Variants in APBA2 observed in about 807,000 individuals in gnomAD.
The protein encoded by APBA2 is amyloid-beta A4 precursor protein-binding family A member 2.
A neutral mutation model predicts 75.0 loss-of-function variants in APBA2; 30 were observed. The observed-to-expected ratio is 0.40, with a 90% confidence interval of 0.30 to 0.54. The LOEUF is 0.54. Among genes scored for constraint, APBA2 ranks in the 20% least tolerant of loss-of-function variants. The pLI, the probability that APBA2 is intolerant of heterozygous loss-of-function variation, is 0.49. For missense variants in APBA2, 801 were observed against 1,016.1 expected, an observed-to-expected ratio of 0.79 and a Z score of 2.88; for synonymous variants, 444 against 409.6, an observed-to-expected ratio of 1.08 and a Z score of -1.01.
intron 2 of APBA2, among the ~76,000 whole-genome samples, chr15:28,951,729 C>T (rs1376412970): frequency 1.3e-5 from 2 of 152,036 alleles, no homozygotes; most frequent in Non-Finnish European, 1.5e-5. Context: ...GGACTACAGG[C>T]GTGTGCCACC....
At chr15:29,094,764 G>T (rs891472139) in intron 8 of APBA2, among the ~76,000 whole-genome samples, 1 of 152,194 alleles carries the variant, frequency 6.6e-6, no homozygotes, top group Admixed American at 6.5e-5. Context: ...TTCTTTATTG[G>T]AAATGAGTTT....
intron 13 of APBA2, among the ~76,000 whole-genome samples, chr15:29,113,387 G>C (rs1036629894): frequency 6.6e-6 from 1 of 152,094 alleles, no homozygotes; most frequent in Non-Finnish European, 1.5e-5. Context: ...ACTCTTCCCT[G>C]TCGATGTAGA....
chr15:28,926,216 A>G (rs1261140900), intron 2 of APBA2, among the ~76,000 whole-genome samples: 2 of 152,178 alleles, frequency 1.3e-5, no homozygotes, highest in Non-Finnish European at 2.9e-5. Flanking sequence ...ACTTTTTAGT[A>G]ACTGTCTTCT....
chr15:28,897,950 A>C (rs1436278725), intron 1 of APBA2, among the ~76,000 whole-genome samples: 1 of 152,222 alleles, frequency 6.6e-6, no homozygotes, highest in Non-Finnish European at 1.5e-5. Context: ...GTCTTGAATT[A>C]TCTGGGTGGG....
At chr15:28,937,042 A>G (rs1433661362) in intron 2 of APBA2, among the ~76,000 whole-genome samples, 1 of 152,220 alleles carries the variant, frequency 6.6e-6, no homozygotes, top group Non-Finnish European at 1.5e-5. Flanking sequence ...ACTGCAAAGC[A>G]TTATTCAGGT....
intron 2 of APBA2, among the ~76,000 whole-genome samples, chr15:28,936,310 G>A (rs1017612905): frequency 1.4e-4 from 22 of 152,214 alleles, no homozygotes; most frequent in African/African-American, 4.8e-4. Context: ...TCTGTGACCC[G>A]CCAGCCAGCT....
chr15:28,917,786 T>C (rs1791946756), intron 1 of APBA2, among the ~76,000 whole-genome samples: 1 of 152,184 alleles, frequency 6.6e-6, no homozygotes. Context: ...GTTAGTTGCT[T>C]TTTGTCTTAT....
intron 9 of APBA2, among the ~76,000 whole-genome samples, chr15:29,099,602 A>C (rs1484598217): frequency 1.3e-5 from 2 of 152,208 alleles, no homozygotes; most frequent in Non-Finnish European, 2.9e-5. Context: ...GTTTAGGCAA[A>C]AGGAACCATG....
At chr15:29,041,647 A>G (rs1038379020) in intron 3 of APBA2, among the ~76,000 whole-genome samples, 3 of 152,170 alleles carry the variant, frequency 2.0e-5, no homozygotes, top group African/African-American at 7.2e-5. Context: ...ATGGAAAGAT[A>G]TATTTATATT....
rs2033820284 is a variant in APBA2 at position 28,918,892 on chromosome 15, C to T, written c.-204-2748C>T. On this transcript the variant is annotated intron_variant, in intron 1 of 14. Coordinates refer to ENST00000683413, the MANE Select transcript of APBA2 (RefSeq NM_001353788.2). The surrounding 1 kb of genome is among the most constrained non-coding windows in gnomAD (Gnocchi z 4.2). ...TTTTTTTTTTGTAGACGGAGTCGCGCTCTGTCTCCCAGGCTGGAGTGCAGT... is the reference window on the plus strand; with the variant it reads ...TTTTTTTTTTGTAGACGGAGTCGCGTTCTGTCTCCCAGGCTGGAGTGCAGT... 1.3e-5 allele frequency among the ~76,000 whole-genome samples: 2 copies of T among 151,724 alleles called. No individual in the cohort carries two copies. The highest frequency in any genetic ancestry group is 4.2e-4 in the South Asian group (2 of 4,798).
intron 2 of APBA2, among the ~76,000 whole-genome samples, chr15:28,956,395 C>T (rs1211400736): frequency 6.6e-6 from 1 of 152,022 alleles, no homozygotes; most frequent in Non-Finnish European, 1.5e-5. Flanking sequence ...GGAGGCTGGA[C>T]AGATGCAGAG....
intron 3 of APBA2, among the ~76,000 whole-genome samples, chr15:29,012,194 G>A (rs1024296303): frequency 6.6e-6 from 1 of 152,158 alleles, no homozygotes; most frequent in African/African-American, 2.4e-5. Context: ...TCCTTTTGCT[G>A]TTCCAGGATT....
At chr15:28,917,244 T>C (rs2033727310) in intron 1 of APBA2, among the ~76,000 whole-genome samples, 1 of 152,054 alleles carries the variant, frequency 6.6e-6, no homozygotes, top group Non-Finnish European at 1.5e-5. Flanking sequence ...ATCCTGAGAA[T>C]TCTCATGAAC....
At chr15:28,896,232 A>T (rs1301924463) in intron 1 of APBA2, among the ~76,000 whole-genome samples, 2 of 152,108 alleles carry the variant, frequency 1.3e-5, no homozygotes, top group Non-Finnish European at 2.9e-5. Flanking sequence ...ATCTAATATT[A>T]TATTAGTAGT....
chr15:28,929,960 A>G (rs2034476787), intron 2 of APBA2, among the ~76,000 whole-genome samples: 1 of 149,402 alleles, frequency 6.7e-6, no homozygotes, highest in Non-Finnish European at 1.5e-5. Flanking sequence ...ACTAAAGGAA[A>G]GGTTGCTTCT....
intron 2 of APBA2, among the ~76,000 whole-genome samples, chr15:28,924,868 T>TC (rs1185423546): frequency 2.6e-5 from 4 of 152,198 alleles, no homozygotes; most frequent in Non-Finnish European, 4.4e-5. Context: ...CGTTTTACAT[T>TC]CCCGCCAGCA....
chr15:29,036,520 G>A (rs2040760638), intron 3 of APBA2, among the ~76,000 whole-genome samples: 1 of 152,136 alleles, frequency 6.6e-6, no homozygotes, highest in African/African-American at 2.4e-5. Flanking sequence ...GGGTGAAGCT[G>A]CCTCCACCCC....
intron 3 of APBA2, among the ~76,000 whole-genome samples, chr15:29,017,588 C>G (rs779224113): frequency 2.6e-5 from 4 of 152,064 alleles, no homozygotes; most frequent in Non-Finnish European, 5.9e-5. Context: ...CCAGGCTGGT[C>G]TTGAACTCCT....
chr15:29,090,638 G>A (rs2043515449), intron 6 of APBA2, among the ~76,000 whole-genome samples: 1 of 152,200 alleles, frequency 6.6e-6, no homozygotes, highest in Non-Finnish European at 1.5e-5. Flanking sequence ...ACCTGCTGGG[G>A]CTGTGAGGCT....
Sources: allele counts gnomAD v4.1 joint callset (sites outside exome capture counted in the v4.1 genomes callset), GRCh38; gene constraint gnomAD v4.1.1; non-coding constraint Gnocchi (gnomAD v3.1); transcripts MANE v1.5; gene names NCBI Gene and HGNC (gene_info 2026-07-23, HGNC 2026-07-21).